The following MANBA variants were observed in gnomAD, a reference collection of about 807,000 sequenced individuals.
MANBA encodes beta-mannosidase.
Under a neutral mutation model 111.1 loss-of-function variants are expected in MANBA, and 83 were observed. The observed-to-expected ratio is 0.75, with a 90% CI of 0.63 to 0.90. MANBA has a LOEUF of 0.90. Among genes scored for constraint, MANBA ranks in the 40% least tolerant of loss-of-function variants. MANBA has a pLI of 0.00. For synonymous variants in MANBA, 370 were observed against 378.7 expected, an observed-to-expected ratio of 0.98 and a Z score of 0.27; for missense variants, 1,036 against 1,069.0, an observed-to-expected ratio of 0.97 and a Z score of 0.43.
At chr4:102,684,108 TAA>T (rs78609643) in intron 7 of MANBA, among the ~76,000 whole-genome samples, 3 of 142,874 alleles carry the variant, frequency 2.1e-5, no homozygotes, top group Non-Finnish European at 1.5e-5. Context: ...TATACTCAGT[TAA>T]AAAAAAAAAA....
At chr4:102,720,872 C>G (rs1424739894) in intron 4 of MANBA, among the ~76,000 whole-genome samples, 1 of 152,054 alleles carries the variant, frequency 6.6e-6, no homozygotes, top group African/African-American at 2.4e-5. Flanking sequence ...AATTTTAATC[C>G]TAGTACTTAT....
intron 1 of MANBA, chr4:102,730,568 C>T (rs1015097402): frequency 4.7e-5 from 25 of 536,960 alleles, no homozygotes; most frequent in Admixed American, 2.9e-4. Flanking sequence ...TAATTTAGTG[C>T]GTCATTGATG....
In MANBA at chr4:102,631,211, T is replaced by C. The variant is rs1389003858; in HGVS notation, c.*846A>G. 1 of 151,968 alleles carries C rather than the reference T, an allele frequency of 6.6e-6. No homozygotes were observed. The highest frequency in any genetic ancestry group is 1.5e-5 in the Non-Finnish European group (1 of 68,062). 9.4% of individuals were successfully genotyped at this position (151,968 alleles called of 1,614,324 possible). A position where few individuals can be genotyped will look rare whatever the true frequency, so the allele number is the denominator to read the frequency against. On this transcript the variant is annotated 3_prime_UTR_variant, in exon 17 of 17. Coordinates refer to ENST00000647097, the MANE Select transcript of MANBA (RefSeq NM_005908.4). Reference sequence around the variant, plus strand: ...AGAAGACTGGATTGTCTGTAGTTACTTTTAGAGTCACTGAACATAATGCTT... The same window carrying C: ...AGAAGACTGGATTGTCTGTAGTTACCTTTAGAGTCACTGAACATAATGCTT...
intron 13 of MANBA, among the ~76,000 whole-genome samples, chr4:102,647,197 A>G (rs1320007345): frequency 6.6e-6 from 1 of 150,464 alleles, no homozygotes; most frequent in East Asian, 1.9e-4. Flanking sequence ...TCTGACACTG[A>G]AAACAAAATA....
intron 14 of MANBA, 26 bp from the exon 15 acceptor site, chr4:102,636,033 G>C: frequency 6.2e-7 from 1 of 1,609,162 alleles, no homozygotes; most frequent in Non-Finnish European, 8.5e-7. Context: ...AGTGTCAGGA[G>C]ACGGCAAGGT....
intron 1 of MANBA, among the ~76,000 whole-genome samples, chr4:102,746,483 C>T (rs72937846): frequency 0.012 from 1,754 of 152,280 alleles, 30 homozygotes; most frequent in African/African-American, 0.04. Flanking sequence ...TCACTTTGTC[C>T]AGTGAACGTA....
chr4:102,707,318 T>A (rs1174305066), intron 5 of MANBA, among the ~76,000 whole-genome samples: 1 of 152,166 alleles, frequency 6.6e-6, no homozygotes, highest in Non-Finnish European at 1.5e-5. Context: ...CAGCCAAGGA[T>A]GCCATACCCA....
intron 2 of MANBA, 139 bp downstream of exon 2, chr4:102,726,450 A>G: frequency 3.2e-6 from 2 of 621,562 alleles, no homozygotes; most frequent in Non-Finnish European, 5.6e-6. Context: ...CTTAACTCTC[A>G]GATATGTAAC....
rs76954465 is a variant in MANBA at position 102,690,583 on chromosome 4, T to G, written c.849+13A>C. The G allele has an allele frequency of 5.4e-4, 873 of 1,606,906 alleles. 13 individuals are homozygous for G. In the East Asian group the frequency reaches 0.019, roughly 36 times the overall value. ...TTTTCATCCAGTGCTTCTCAGGAAGTACCATCATTTACCTTGCTAATGTTC... is the reference window on the plus strand; with the variant it reads ...TTTTCATCCAGTGCTTCTCAGGAAGGACCATCATTTACCTTGCTAATGTTC... On this transcript the variant is annotated intron_variant, in intron 6 of 16. Coordinates refer to ENST00000647097, the MANE Select transcript of MANBA (RefSeq NM_005908.4).
At chr4:102,650,738 T>C (rs747154911) in intron 12 of MANBA, 37 bp from the exon 13 acceptor site, 7 of 1,571,936 alleles carry the variant, frequency 4.5e-6, no homozygotes, top group Non-Finnish European at 3.5e-6. Flanking sequence ...AATCTGAAAG[T>C]TGGCAGTAAA....
chr4:102,657,692 G>A lies in MANBA; in HGVS notation c.1694C>T (p.Thr565Ile). The A allele has an allele frequency of 6.2e-7, 1 of 1,608,198 alleles. No homozygotes were observed. Among genetic ancestry groups the A allele is most frequent in the South Asian group, 1.1e-5 (1 of 90,974 alleles). ...CAAACGATGACTTACCTTTTCTAAT[G>A]TACTGAAGGACGGCCAGGACTGATA... ...YGYQSWPSFS[T>I]LEKVSSTEDW... is the part of the protein sequence containing the mutation. The change falls in exon 12 of 17, where the codon ACA becomes ATA. Residue 565 changes from threonine (T) to isoleucine (I), a missense_variant. Transcript: ENST00000647097.
At position 102,666,124 on chromosome 4, in the gene MANBA, T is replaced by C. The variant is rs1296093215; in HGVS notation, c.1318-1272A>G. ...ATCCTGAAGTGGCAAAAAGCTTCAG[T>C]AGCACCGTGTTACACACAACCCTCA... On this transcript the variant is annotated intron_variant, in intron 10 of 16. Transcript: ENST00000647097. The C allele has an allele frequency of 2.6e-5, 4 of 152,386 alleles. No homozygotes were observed. In the South Asian group the frequency reaches 8.3e-4, roughly 32 times the overall value. 9.4% of individuals were successfully genotyped at this position (152,386 alleles called of 1,614,324 possible).
rs555003026 is a variant in MANBA at position 102,728,939 on chromosome 4, T to C, written c.178-2256A>G. On this transcript the variant is annotated intron_variant, in intron 1 of 16. Coordinates refer to ENST00000647097, the MANE Select transcript of MANBA (RefSeq NM_005908.4). ...TGCATAACCACTGGTGGTCTTTGTA[T>C]GGATACTCATGTTCTGCATCCCAGA... 14 of 763,380 alleles carry C rather than the reference T, an allele frequency of 1.8e-5. 1 individual carries two copies. Among genetic ancestry groups the C allele is most frequent in the South Asian group, 1.8e-4 (13 of 73,774 alleles). The allele number at this position is 763,380 out of a possible 1,614,324, so 47.3% of individuals were successfully genotyped here.
At chr4:102,705,367 T>C (rs2110263245) in intron 5 of MANBA, among the ~76,000 whole-genome samples, 1 of 152,304 alleles carries the variant, frequency 6.6e-6, no homozygotes, top group Non-Finnish European at 1.5e-5. Flanking sequence ...TAGCCCCGAA[T>C]GGACTGCAGG....
intron 5 of MANBA, among the ~76,000 whole-genome samples, chr4:102,699,671 C>T (rs1009562006): frequency 3.3e-5 from 5 of 150,136 alleles, no homozygotes; most frequent in Non-Finnish European, 7.4e-5. Flanking sequence ...GATTGATTTG[C>T]ATATATTGAA....
At chr4:102,634,720 G>A (rs1377454283) in intron 16 of MANBA, 68 bp downstream of exon 16, 9 of 1,594,666 alleles carry the variant, frequency 5.6e-6, no homozygotes, top group Non-Finnish European at 6.0e-6. Context: ...GATGCAAGGA[G>A]CTGGCCCAAG....
intron 7 of MANBA, among the ~76,000 whole-genome samples, chr4:102,689,091 C>T (rs227363): frequency 0.6 from 91,088 of 151,994 alleles, 28,286 homozygotes; most frequent in South Asian, 0.79. Flanking sequence ...GGCTCACGCC[C>T]GTAATCCCAG....
At position 102,721,062 on chromosome 4, in the gene MANBA, G is replaced by C. The variant is rs77492443; in HGVS notation, c.549+1809C>G. Among the ~76,000 whole-genome samples, 11 of 152,264 alleles carry C rather than the reference G, an allele frequency of 7.2e-5. No homozygotes were observed. In the East Asian group the frequency reaches 2.1e-3, roughly 29 times the overall value. On this transcript the variant is annotated intron_variant, in intron 4 of 16. Transcript: ENST00000647097. ...GTTAAAACTAAATTTCATGGCTCAC[G>C]CCTGTAATCCCAACACTTTGGGAGG... is the stretch of plus-strand genomic sequence containing the variant.
intron 1 of MANBA, among the ~76,000 whole-genome samples, chr4:102,758,235 C>G (rs1175068013): frequency 5.3e-5 from 8 of 152,084 alleles, no homozygotes; most frequent in Non-Finnish European, 1.2e-4. Context: ...ATTAGAATGT[C>G]CATTAGGGAA....
Sources: allele counts gnomAD v4.1 joint callset (sites outside exome capture counted in the v4.1 genomes callset), GRCh38; gene constraint gnomAD v4.1.1; transcripts MANE v1.5; gene names NCBI Gene and HGNC (gene_info 2026-07-23, HGNC 2026-07-21).